COP1: variants seen among roughly 807,000 people sequenced by gnomAD.
COP1 encodes E3 ubiquitin-protein ligase COP1.
COP1 carries 24 observed loss-of-function variants against 101.3 expected under a neutral mutation model. The ratio of observed to expected loss-of-function variants is 0.24; its 90% CI spans 0.17 to 0.33. The LOEUF is 0.33. Among genes scored for constraint, COP1 ranks in the 10% least tolerant of loss-of-function variants. The pLI is 1.00. For synonymous variants in COP1, 347 were observed against 341.9 expected (o/e 1.01, Z -0.17); for missense variants, 663 against 906.2 (o/e 0.73, Z 3.45).
intron 8 of COP1, among the ~76,000 whole-genome samples, chr1:176,132,593 T>A (rs1161893800): frequency 2.2e-5 from 3 of 136,284 alleles, no homozygotes; most frequent in African/African-American, 5.5e-5. Context: ...TACACACATA[T>A]ACACATATGT....
chr1:176,017,104 A>G (rs891812695), intron 15 of COP1, among the ~76,000 whole-genome samples: 1 of 152,250 alleles, frequency 6.6e-6, no homozygotes, highest in Non-Finnish European at 1.5e-5. Context: ...GATCAGGTGA[A>G]ATAGATAAAG....
intron 11 of COP1, among the ~76,000 whole-genome samples, chr1:176,062,734 C>G (rs1442208944): frequency 6.7e-6 from 1 of 149,882 alleles, no homozygotes; most frequent in African/African-American, 2.5e-5. Flanking sequence ...AAAACCCAGA[C>G]AAGTTTATTC....
chr1:176,037,769 G>T (rs1669826850), intron 14 of COP1, among the ~76,000 whole-genome samples: 1 of 152,082 alleles, frequency 6.6e-6, no homozygotes. Flanking sequence ...GCAAACAAGG[G>T]AATGGAAAAG....
intron 1 of COP1, among the ~76,000 whole-genome samples, chr1:176,203,279 G>A (rs919674635): frequency 6.6e-6 from 1 of 152,108 alleles, no homozygotes; most frequent in African/African-American, 2.4e-5. Flanking sequence ...GGAGCTTGCA[G>A]TGAGCCGAGA....
intron 2 of COP1, among the ~76,000 whole-genome samples, chr1:176,183,927 G>A (rs779656568): frequency 5.3e-5 from 8 of 152,054 alleles, no homozygotes; most frequent in Non-Finnish European, 7.4e-5. Flanking sequence ...GCTGCCAGGG[G>A]ATACAGGGAA....
At chr1:176,005,468 T>C (rs10753113) in intron 15 of COP1, among the ~76,000 whole-genome samples, 114,007 of 151,494 alleles carry the variant, frequency 0.75, 44,715 homozygotes, top group East Asian at 0.91. Context: ...GGATCTTTCC[T>C]GCTTTCTCTT....
intron 8 of COP1, among the ~76,000 whole-genome samples, chr1:176,118,835 C>T (rs1346431166): frequency 6.6e-6 from 1 of 151,932 alleles, no homozygotes; most frequent in Non-Finnish European, 1.5e-5. Context: ...ATGGGATAAC[C>T]CCCAAATACT....
At chr1:175,989,233 TCTA>T (rs1384132480) in intron 16 of COP1, 126 bp downstream of exon 16, 1 of 500,898 alleles carries the variant, frequency 2.0e-6, no homozygotes. Flanking sequence ...AAAAAAAAAA[TCTA>T]CTATTTAAGA....
At chr1:176,079,322 T>A (rs1678663684) in intron 11 of COP1, among the ~76,000 whole-genome samples, 1 of 152,164 alleles carries the variant, frequency 6.6e-6, no homozygotes, top group Non-Finnish European at 1.5e-5. Context: ...AACCATGTCC[T>A]CTGCAGCAAC....
chr1:176,041,580 C>G (rs1400429689), intron 14 of COP1, among the ~76,000 whole-genome samples: 1 of 152,028 alleles, frequency 6.6e-6, no homozygotes, highest in Non-Finnish European at 1.5e-5. Flanking sequence ...AACTTCTGGC[C>G]TCAAGTGATC....
At chr1:176,100,988 G>A (rs1318656753) in intron 9 of COP1, among the ~76,000 whole-genome samples, 4 of 152,168 alleles carry the variant, frequency 2.6e-5, no homozygotes, top group African/African-American at 9.7e-5. Context: ...GCACAGCATA[G>A]GTTAGTGTGA....
In COP1 at chr1:175,989,462, A is replaced by G. The variant is rs1352053056; in HGVS notation, c.1747T>C (p.Tyr583His). The stretch of plus-strand genomic sequence containing the variant: ...GGCTGTTTAGTGTTACGAAGATCAT[A>G]GTAGTGGACACAGTGATCTAAAACA... ...FGCADHCVHY[Y>H]DLRNTKQPIM... is the part of the protein sequence containing the mutation. Residue 583 changes from tyrosine (Y) to histidine (H), a missense_variant, in exon 16 of 20, where the codon TAT (tyrosine) becomes CAT (histidine). Coordinates refer to ENST00000367669, the MANE Select transcript of COP1 (RefSeq NM_022457.7). The G allele has an allele frequency of 6.4e-7, 1 of 1,573,740 alleles. No individual in the cohort carries two copies. The highest frequency in any genetic ancestry group is 1.3e-5 in the African/African-American group (1 of 74,224).
At chr1:176,000,435 G>A (rs1661319823) in intron 15 of COP1, among the ~76,000 whole-genome samples, 1 of 151,900 alleles carries the variant, frequency 6.6e-6, no homozygotes. Flanking sequence ...TATTTAACTG[G>A]GAGCATAGAA....
intron 18 of COP1, among the ~76,000 whole-genome samples, chr1:175,952,596 T>C (rs566582126): frequency 9.2e-5 from 14 of 152,102 alleles, no homozygotes; most frequent in African/African-American, 3.4e-4. Context: ...AATATTATAC[T>C]ACATGAAAAC....
At chr1:176,093,901 T>C (rs971520341) in intron 9 of COP1, among the ~76,000 whole-genome samples, 2 of 151,952 alleles carry the variant, frequency 1.3e-5, no homozygotes, top group Admixed American at 6.6e-5. Flanking sequence ...CGCACACCTG[T>C]AGTCCCAGCT....
intron 11 of COP1, among the ~76,000 whole-genome samples, chr1:176,075,208 C>T (rs1406081652): frequency 6.6e-6 from 1 of 152,098 alleles, no homozygotes; most frequent in Non-Finnish European, 1.5e-5. Context: ...TCAAATTTTA[C>T]TCAGTCAAGT....
Position 176,163,073 on chromosome 1 carries a change from A to G in COP1, c.643-85T>C, listed in dbSNP as rs1327179850. On this transcript the variant is annotated intron_variant, in intron 4 of 19. Transcript: ENST00000367669. ...AACAAATGTTTACTTGCTACTTCCTAATATGCTCATTACATAGATATCGAA... is the reference window on the plus strand; with the variant it reads ...AACAAATGTTTACTTGCTACTTCCTGATATGCTCATTACATAGATATCGAA... 6 of 1,351,796 alleles carry G rather than the reference A, an allele frequency of 4.4e-6. No homozygotes were observed. In the Admixed American group the frequency reaches 9.4e-5, roughly 21 times the overall value. 83.7% of individuals were successfully genotyped at this position (1,351,796 alleles called of 1,614,324 possible). A position where few individuals can be genotyped will look rare whatever the true frequency, so the allele number is the denominator to read the frequency against.
At chr1:175,997,378 A>C (rs920398206) in intron 15 of COP1, among the ~76,000 whole-genome samples, 3 of 151,916 alleles carry the variant, frequency 2.0e-5, no homozygotes, top group Non-Finnish European at 4.4e-5. Context: ...CAATGGCAAC[A>C]AAAGCCAAAA....
intron 14 of COP1, among the ~76,000 whole-genome samples, chr1:176,030,555 T>TA (rs1293600407): frequency 6.6e-6 from 1 of 152,232 alleles, no homozygotes; most frequent in Non-Finnish European, 1.5e-5. Context: ...AATTTCATGG[T>TA]AATTTTCTCA....
Sources: gnomAD v4.1 joint callset for allele counts (sites outside exome capture counted in the v4.1 genomes callset) on GRCh38, gnomAD v4.1.1 for gene constraint, MANE v1.5 for transcripts, NCBI Gene and HGNC (gene_info 2026-07-23, HGNC 2026-07-21) for gene names.